Variants in CLASRP observed in about 807,000 individuals in gnomAD.
CLASRP encodes CLK4-associating serine/arginine rich protein.
A neutral mutation model predicts 99.9 loss-of-function variants in CLASRP; 52 were observed. The observed-to-expected ratio is 0.52, with a 90% CI of 0.42 to 0.66. CLASRP has a LOEUF of 0.66. Ranked by LOEUF, CLASRP falls within the 30% of genes least tolerant of loss-of-function variation. CLASRP has a pLI of 0.00. For synonymous variants in CLASRP, 379 were observed against 373.0 expected (o/e 1.02, Z -0.18); for missense variants, 848 against 999.2 (o/e 0.85, Z 2.04).
intron 2 of CLASRP, among the ~76,000 whole-genome samples, chr19:45,048,940 C>T (rs143539524): frequency 0.023 from 3,495 of 152,204 alleles, 65 homozygotes; most frequent in Non-Finnish European, 0.033. Flanking sequence ...GAGCCGAGAT[C>T]GCGCCATTGC....
intron 7 of CLASRP, 23 bp downstream of exon 7, chr19:45,057,921 C>T: frequency 6.2e-7 from 1 of 1,612,968 alleles, no homozygotes; most frequent in Non-Finnish European, 8.5e-7. Context: ...CTCTGCCCTC[C>T]CCACCTGCAG....
intron 5 of CLASRP, among the ~76,000 whole-genome samples, chr19:45,055,050 T>C (rs893116462): frequency 3.3e-5 from 5 of 152,230 alleles, no homozygotes; most frequent in African/African-American, 4.8e-5. Flanking sequence ...GGCTTCCTGG[T>C]GGTAGAGCCA....
intron 2 of CLASRP, 151 bp downstream of exon 2, chr19:45,040,462 T>C (rs1286411474): frequency 1.9e-5 from 11 of 576,646 alleles, no homozygotes; most frequent in Admixed American, 2.9e-5. Flanking sequence ...AGGATAATCA[T>C]TGGTGGGATC....
At chr19:45,069,829 G>T (rs1425477105) in intron 18 of CLASRP, 193 bp from the exon 19 acceptor site, 4 of 573,934 alleles carry the variant, frequency 7.0e-6, no homozygotes, top group Non-Finnish European at 1.2e-5. Context: ...CTAGGAAGGG[G>T]CTGGGATTCC....
chr19:45,048,846 C>T lies in CLASRP; in HGVS notation c.100-3225C>T, dbSNP rs542358064. On this transcript the variant is annotated intron_variant, in intron 2 of 20. Coordinates refer to ENST00000221455, the MANE Select transcript of CLASRP (RefSeq NM_007056.3). ...ACTAAAAATACCAAAATTAGCCAAG[C>T]GTGGTGGCGGGCACCTGTAATCCCA... 7.2e-5 allele frequency among the ~76,000 whole-genome samples: 11 copies of T among 151,780 alleles called. No individual in the cohort carries two copies. In the East Asian group the frequency reaches 1.2e-3, roughly 16 times the overall value.
chr19:45,067,046 C>A lies in CLASRP; in HGVS notation c.1410-291C>A, dbSNP rs965504443. Among the ~76,000 whole-genome samples, 1 of 152,168 alleles carries A rather than the reference C, an allele frequency of 6.6e-6. No homozygotes were observed. Among genetic ancestry groups the A allele is most frequent in the Non-Finnish European group, 1.5e-5 (1 of 68,038 alleles). ...GCCATCCCTCCCAGAGCTCACCTCC[C>A]GGGAAGTTAGCAAGCGGGTGTCTAG... On this transcript the variant is annotated intron_variant, in intron 13 of 20. Transcript: ENST00000221455. This position sits in a 1 kb window ranked among gnomAD's most constrained non-coding sequence, Gnocchi z 4.9.
chr19:45,058,978 C>T (rs780658140), intron 7 of CLASRP, among the ~76,000 whole-genome samples: 5 of 152,072 alleles, frequency 3.3e-5, no homozygotes, highest in Non-Finnish European at 7.4e-5. Flanking sequence ...TCCCTTCATC[C>T]ATCCCTGCAC....
At chr19:45,069,809 C>T in intron 18 of CLASRP, 1 of 564,654 alleles carries the variant, frequency 1.8e-6, no homozygotes, top group Non-Finnish European at 3.2e-6. Flanking sequence ...CCTCTGTTCC[C>T]CAGGCTTTCC....
Position 45,067,493 on chromosome 19 carries a change from C to CAGCCAG in CLASRP, c.1570_1571insAGAGCC (p.Ser523_Arg524insGlnSer). On this transcript the variant is annotated inframe_insertion, in exon 14 of 21. Coordinates refer to ENST00000221455, the MANE Select transcript of CLASRP (RefSeq NM_007056.3). This position sits in a 1 kb window ranked among gnomAD's most constrained non-coding sequence, Gnocchi z 4.9. ...ATAGCCCCAGCCCCAGCCAGAGCCG[C>CAGCCAG]AGCCGCAGCCGCAGCCGCAGCCAGA... 1 of 1,574,454 alleles carries CAGCCAG rather than the reference C, an allele frequency of 6.4e-7. No homozygotes were observed. Among genetic ancestry groups the CAGCCAG allele is most frequent in the Non-Finnish European group, 8.6e-7 (1 of 1,165,628 alleles).
chr19:45,047,542 G>A (rs949303214), intron 2 of CLASRP: 1 of 151,696 alleles, frequency 6.6e-6, no homozygotes, highest in African/African-American at 2.4e-5. Flanking sequence ...ACAAAAATTC[G>A]TGAAACCTTC....
chr19:45,050,891 G>A (rs1568413568), intron 2 of CLASRP, among the ~76,000 whole-genome samples: 1 of 151,576 alleles, frequency 6.6e-6, no homozygotes, highest in African/African-American at 2.4e-5. Flanking sequence ...TAATTTTTTT[G>A]TATTTTTAGT....
intron 5 of CLASRP, among the ~76,000 whole-genome samples, chr19:45,054,897 C>T (rs1242182903): frequency 6.6e-6 from 1 of 152,150 alleles, no homozygotes; most frequent in Non-Finnish European, 1.5e-5. Flanking sequence ...GTTTGCTAGT[C>T]CAGTATTTGT....
intron 2 of CLASRP, among the ~76,000 whole-genome samples, chr19:45,045,588 T>C (rs956750560): frequency 5.9e-5 from 9 of 152,172 alleles, no homozygotes; most frequent in African/African-American, 9.7e-5. Context: ...AGTAGTCTTA[T>C]GAACAGCCGT....
At chr19:45,063,904 C>G in intron 11 of CLASRP, 108 bp from the exon 12 acceptor site, 1 of 1,453,610 alleles carries the variant, frequency 6.9e-7, no homozygotes, top group Non-Finnish European at 9.1e-7. Context: ...GCCTGGTTTC[C>G]CGGGTCGCTG....
At position 45,057,702 on chromosome 19, in the gene CLASRP, C is replaced by T. The variant is rs751455755; in HGVS notation, c.465-48C>T. On this transcript the variant is annotated intron_variant, in intron 6 of 20. Coordinates refer to ENST00000221455, the MANE Select transcript of CLASRP (RefSeq NM_007056.3). ...TGGTGTGTGGGGCTAGCCTGGGGCCCTCATCTCCACTGGGCACGGCCCTGG... is the reference window on the plus strand; with the variant it reads ...TGGTGTGTGGGGCTAGCCTGGGGCCTTCATCTCCACTGGGCACGGCCCTGG... 5.6e-6 allele frequency: 9 copies of T among 1,607,530 alleles called. No individual in the cohort carries two copies. In the East Asian group the frequency reaches 2.0e-4, roughly 36 times the overall value.
chr19:45,064,624 G>T lies in CLASRP; in HGVS notation c.1403G>T (p.Arg468Ile). The T allele has an allele frequency of 6.4e-7, 1 of 1,551,276 alleles. No individual in the cohort carries two copies. Reference sequence around the variant, plus strand: ...CGTGGTGGTTACGGGCCCCGGCGCAGAAGCAGGTGTGTGTGGCTGGGCGTG... The same window carrying T: ...CGTGGTGGTTACGGGCCCCGGCGCATAAGCAGGTGTGTGTGGCTGGGCGTG... The part of the protein sequence containing the change: ...ARRGGYGPRR[R>I]SRSRSHSGDR... Residue 468 changes from arginine to isoleucine, a missense_variant, in exon 13 of 21, where the codon AGA (arginine) becomes ATA (isoleucine). By Grantham distance (97) the Arg-to-Ile change is moderately conservative. Around this residue, in one of 8 missense-constraint regions of CLASRP, gnomAD observed 489 missense variants for 434.7 expected, o/e 1.12. Transcript: ENST00000221455.
At chr19:45,046,493 G>A (rs752525980) in intron 2 of CLASRP, among the ~76,000 whole-genome samples, 2 of 152,228 alleles carry the variant, frequency 1.3e-5, no homozygotes, top group Non-Finnish European at 2.9e-5. Flanking sequence ...TCTGGGTCAG[G>A]TGTTCCCCCT....
intron 11 of CLASRP, 81 bp downstream of exon 11, chr19:45,062,276 G>A (rs923025297): frequency 4.6e-6 from 4 of 862,046 alleles, no homozygotes; most frequent in African/African-American, 1.6e-5. Context: ...GGGATGGGAG[G>A]TTCACCCTGC....
chr19:45,064,897 C>A (rs1224913415), intron 13 of CLASRP, among the ~76,000 whole-genome samples: 2 of 152,160 alleles, frequency 1.3e-5, no homozygotes, highest in Admixed American at 6.5e-5. Flanking sequence ...GACTGTGCAT[C>A]TCTCTCTCCT....
Sources: gnomAD v4.1 joint callset for allele counts (sites outside exome capture counted in the v4.1 genomes callset) on GRCh38, gnomAD v4.1.1 for gene constraint, gnomAD v4.1.1 regional missense constraint, Gnocchi (gnomAD v3.1) non-coding constraint, MANE v1.5 for transcripts, NCBI Gene and HGNC (gene_info 2026-07-23, HGNC 2026-07-21) for gene names.